Variants in LOC128125817 observed in about 807,000 individuals in gnomAD.
the LOC128125817 span, among the ~76,000 whole-genome samples, chr1:41,596,402 GA>G: frequency 0.015 from 2,329 of 152,274 alleles, 67 homozygotes; most frequent in African/African-American, 0.053. Context: ...GTGTTGGAAG[GA>G]AGAGGTTTTT....
chr1:41,611,384 C>G, the LOC128125817 span, among the ~76,000 whole-genome samples: 3 of 152,160 alleles, frequency 2.0e-5, no homozygotes, highest in African/African-American at 7.2e-5. Flanking sequence ...CTGGGATAAT[C>G]AATCATAAGA....
chr1:41,594,056 T>C, the LOC128125817 span, among the ~76,000 whole-genome samples: 1 of 151,948 alleles, frequency 6.6e-6, no homozygotes, highest in African/African-American at 2.4e-5. Flanking sequence ...TTACATTGAG[T>C]CCACCTGGAT....
chr1:41,610,397 G>T, the LOC128125817 span, among the ~76,000 whole-genome samples: 1 of 152,222 alleles, frequency 6.6e-6, no homozygotes, highest in Non-Finnish European at 1.5e-5. Flanking sequence ...TTAGGCCAAG[G>T]AGCCAGTCTC....
At chr1:41,593,822 C>A in the LOC128125817 span, among the ~76,000 whole-genome samples, 1 of 152,224 alleles carries the variant, frequency 6.6e-6, no homozygotes, top group South Asian at 2.1e-4. Context: ...AAATAGGTCT[C>A]ACTCGGCTAA....
At chr1:41,599,491 G>A in the LOC128125817 span, among the ~76,000 whole-genome samples, 4,335 of 152,236 alleles carry the variant, frequency 0.028, 204 homozygotes, top group African/African-American at 0.1. Flanking sequence ...CATGGGTTGG[G>A]AGAGGATATT....
the LOC128125817 span, among the ~76,000 whole-genome samples, chr1:41,611,809 C>T: frequency 6.6e-6 from 1 of 152,218 alleles, no homozygotes; most frequent in East Asian, 1.9e-4. Context: ...ATGGTATTCA[C>T]TAGAGTTGGG....
the LOC128125817 span, among the ~76,000 whole-genome samples, chr1:41,593,772 C>A: frequency 6.6e-6 from 1 of 152,234 alleles, no homozygotes; most frequent in Non-Finnish European, 1.5e-5. Context: ...TGGCTTAATG[C>A]AAAATTTACT....
At chr1:41,600,141 T>A in the LOC128125817 span, among the ~76,000 whole-genome samples, 1 of 152,240 alleles carries the variant, frequency 6.6e-6, no homozygotes, top group South Asian at 2.1e-4. Context: ...GTGCAGCCTC[T>A]ATGGAAAACA....
At chr1:41,592,998 A>C in the LOC128125817 span, among the ~76,000 whole-genome samples, 82 of 152,236 alleles carry the variant, frequency 5.4e-4, no homozygotes, top group African/African-American at 1.9e-3. Flanking sequence ...CAGCCATGTC[A>C]TCAATCCCCA....
chr1:41,606,457 T>A, the LOC128125817 span, among the ~76,000 whole-genome samples: 1 of 151,892 alleles, frequency 6.6e-6, no homozygotes, highest in South Asian at 2.1e-4. Context: ...TTCTAAAAAG[T>A]GAAGCTAGTT....
At chr1:41,587,386 C>T in the LOC128125817 span, among the ~76,000 whole-genome samples, 1,353 of 152,318 alleles carry the variant, frequency 8.9e-3, 21 homozygotes, top group African/African-American at 0.031. Context: ...AATCTCATTT[C>T]ATTAGATTAC....
the LOC128125817 span, among the ~76,000 whole-genome samples, chr1:41,609,723 A>G: frequency 6.6e-6 from 1 of 152,228 alleles, no homozygotes; most frequent in African/African-American, 2.4e-5. Context: ...GGAGCTGGAG[A>G]ATTCTCAGAA....
chr1:41,619,869 G>T, the LOC128125817 span, among the ~76,000 whole-genome samples: 2 of 152,176 alleles, frequency 1.3e-5, no homozygotes, highest in Non-Finnish European at 2.9e-5. Flanking sequence ...GCCCCAGAGA[G>T]GCTGCTCAGA....
chr1:41,621,797 C>T, the LOC128125817 span, among the ~76,000 whole-genome samples: 6 of 152,206 alleles, frequency 3.9e-5, no homozygotes, highest in African/African-American at 1.4e-4. Flanking sequence ...GGATTACAGG[C>T]CTAAGCCCCC....
chr1:41,604,582 G>T, the LOC128125817 span, among the ~76,000 whole-genome samples: 2 of 152,138 alleles, frequency 1.3e-5, no homozygotes, highest in African/African-American at 4.8e-5. Flanking sequence ...CATCTCACTT[G>T]CCCTGGTACC....
chr1:41,598,829 A>ATT, the LOC128125817 span, among the ~76,000 whole-genome samples: 2 of 151,746 alleles, frequency 1.3e-5, no homozygotes, highest in African/African-American at 2.4e-5. Context: ...TTATTTATTT[A>ATT]TTTAGGGACA....
the LOC128125817 span, among the ~76,000 whole-genome samples, chr1:41,598,962 C>T: frequency 6.2e-4 from 95 of 152,064 alleles, 4 homozygotes; most frequent in Middle Eastern, 3.4e-3. Context: ...ACTACAGACA[C>T]GTGCCACCAT....
the LOC128125817 span, among the ~76,000 whole-genome samples, chr1:41,625,354 AACAG>A: frequency 6.6e-6 from 1 of 152,106 alleles, no homozygotes; most frequent in Non-Finnish European, 1.5e-5. Context: ...GATTTTGTGA[AACAG>A]ACAGTCTCAA....
chr1:41,600,703 AT>A, the LOC128125817 span, among the ~76,000 whole-genome samples: 4 of 152,206 alleles, frequency 2.6e-5, no homozygotes, highest in Admixed American at 2.6e-4. Context: ...TTTTACCACA[AT>A]TTTTAAAATA....
Sources: gnomAD v4.1 joint callset for allele counts (sites outside exome capture counted in the v4.1 genomes callset) on GRCh38, gnomAD v4.1.1 for gene constraint, MANE v1.5 for transcripts.